Variants in PTPRN2 observed in about 807,000 individuals in gnomAD.
PTPRN2 encodes protein tyrosine phosphatase receptor type N2.
Under a neutral mutation model 118.8 loss-of-function variants are expected in PTPRN2, and 74 were observed. That is an observed-to-expected ratio of 0.62 (90% CI 0.52 to 0.76). The LOEUF is 0.76. Among genes scored for constraint, PTPRN2 ranks in the 30% least tolerant of loss-of-function variants. The pLI is 0.00. For synonymous variants in PTPRN2, 641 were observed against 608.0 expected (o/e 1.05, Z -0.80); for missense variants, 1,481 against 1,394.4 (o/e 1.06, Z -0.99).
intron 13 of PTPRN2, among the ~76,000 whole-genome samples, chr7:157,659,872 T>G (rs1795809018): frequency 2.0e-5 from 3 of 152,002 alleles, no homozygotes; most frequent in Admixed American, 1.3e-4. Context: ...ACTCCCCTGA[T>G]TAGCTGGGAT....
chr7:158,558,582 G>A (rs1040991958), intron 1 of PTPRN2, among the ~76,000 whole-genome samples: 6 of 151,994 alleles, frequency 3.9e-5, no homozygotes, highest in Non-Finnish European at 5.9e-5. Flanking sequence ...GGCACCTAGA[G>A]GCAGGTGTGT....
At chr7:157,648,793 C>G (rs201036118) in intron 14 of PTPRN2, among the ~76,000 whole-genome samples, 4 of 131,710 alleles carry the variant, frequency 3.0e-5, no homozygotes, top group East Asian at 3.3e-4. Context: ...GTGCACTGAA[C>G]TCGGTGGGTC....
chr7:157,887,584 A>C (rs1298958394), intron 12 of PTPRN2, among the ~76,000 whole-genome samples: 1 of 17,562 alleles, frequency 5.7e-5, no homozygotes, highest in Non-Finnish European at 1.1e-4. Flanking sequence ...CCCAGTGCCC[A>C]CTCCATTACC....
At chr7:157,851,491 C>T (rs73746664) in intron 12 of PTPRN2, among the ~76,000 whole-genome samples, 5,649 of 151,920 alleles carry the variant, frequency 0.037, 393 homozygotes, top group African/African-American at 0.13. Context: ...ACTGAGGTTC[C>T]GGGCACAGAA....
At chr7:157,803,548 A>G (rs949273139) in intron 12 of PTPRN2, among the ~76,000 whole-genome samples, 2 of 152,146 alleles carry the variant, frequency 1.3e-5, no homozygotes, top group Non-Finnish European at 2.9e-5. Context: ...GTTTTCTTCT[A>G]GTACGTTTAT....
Position 157,813,905 on chromosome 7 carries a change from C to T in PTPRN2, c.1788+84768G>A, listed in dbSNP as rs1806215512. Among the ~76,000 whole-genome samples the T allele has an allele frequency of 6.6e-6, 1 of 152,354 alleles. No individual in the cohort carries two copies. The highest frequency in any genetic ancestry group is 2.4e-5 in the African/African-American group (1 of 41,596). On this transcript the variant is annotated intron_variant, in intron 12 of 22. Coordinates refer to ENST00000389418, the MANE Select transcript of PTPRN2 (RefSeq NM_002847.5). The surrounding 1 kb of genome is among the most constrained non-coding windows in gnomAD (Gnocchi z 4.7). ...CATTTGCGTTGTTCCCCAGGTGATGCTGCTGGTGACCCCGGGGACCCCGCC... is the reference window on the plus strand; with the variant it reads ...CATTTGCGTTGTTCCCCAGGTGATGTTGCTGGTGACCCCGGGGACCCCGCC...
In PTPRN2 at chr7:158,239,102, C is replaced by T. The variant is rs182416950; in HGVS notation, c.278-33829G>A. Among the ~76,000 whole-genome samples, 543 of 152,278 alleles carry T rather than the reference C, an allele frequency of 3.6e-3. 7 individuals are homozygous for T. The highest frequency in any genetic ancestry group is 0.013 in the African/African-American group (521 of 41,568). On this transcript the variant is annotated intron_variant, in intron 3 of 22. Coordinates refer to ENST00000389418, the MANE Select transcript of PTPRN2 (RefSeq NM_002847.5). ...CAAGGTGCCACAGCCCCCATCACCC[C>T]GGGGTGGGGGCCACCACCATGCCCT...
At chr7:157,803,196 C>T (rs1032476392) in intron 12 of PTPRN2, among the ~76,000 whole-genome samples, 11 of 152,186 alleles carry the variant, frequency 7.2e-5, no homozygotes, top group Admixed American at 4.6e-4. Flanking sequence ...AACTCCTGAC[C>T]TTAAGTGATC....
At chr7:158,520,961 A>T (rs968344567) in intron 1 of PTPRN2, among the ~76,000 whole-genome samples, 7 of 152,146 alleles carry the variant, frequency 4.6e-5, no homozygotes, top group Admixed American at 3.9e-4. Context: ...CCTGGCCGAG[A>T]TCTCAGCCAG....
At chr7:158,533,854 C>G (rs887220464) in intron 1 of PTPRN2, among the ~76,000 whole-genome samples, 1 of 152,246 alleles carries the variant, frequency 6.6e-6, no homozygotes, top group Non-Finnish European at 1.5e-5. Context: ...AGCTCCCACT[C>G]CGGGTACATC....
At chr7:157,673,880 A>AC (rs1350715243) in intron 13 of PTPRN2, among the ~76,000 whole-genome samples, 2 of 143,456 alleles carry the variant, frequency 1.4e-5, no homozygotes, top group Admixed American at 1.4e-4. Flanking sequence ...CCGGGTTCAC[A>AC]CTGGGGAGTC....
chr7:157,669,559 G>T (rs1351462319), intron 13 of PTPRN2: 1 of 490,494 alleles, frequency 2.0e-6, no homozygotes, highest in Non-Finnish European at 4.0e-6. Flanking sequence ...AGCTCCTGCA[G>T]GAAGGGGTTC....
At chr7:157,819,520 C>A (rs1806664728) in intron 12 of PTPRN2, among the ~76,000 whole-genome samples, 1 of 150,434 alleles carries the variant, frequency 6.6e-6, no homozygotes, top group African/African-American at 2.4e-5. Flanking sequence ...CCCTCCCGCC[C>A]CAAGCACACA....
At chr7:158,161,986 C>T (rs990692925) in intron 6 of PTPRN2, among the ~76,000 whole-genome samples, 2 of 152,200 alleles carry the variant, frequency 1.3e-5, no homozygotes, top group African/African-American at 4.8e-5. Flanking sequence ...TGTGAAGATG[C>T]TCTGCTTCCT....
chr7:158,403,072 C>T (rs1053730064), intron 2 of PTPRN2, among the ~76,000 whole-genome samples: 5 of 152,224 alleles, frequency 3.3e-5, no homozygotes, highest in Admixed American at 2.6e-4. Context: ...GGTTCATTCT[C>T]GCTCTGTTTG....
At chr7:158,367,758 T>G (rs1809652136) in intron 2 of PTPRN2, among the ~76,000 whole-genome samples, 1 of 152,224 alleles carries the variant, frequency 6.6e-6, no homozygotes, top group African/African-American at 2.4e-5. Flanking sequence ...AAAAGTCGTT[T>G]GACCTCCTTG....
chr7:158,080,292 GA>G (rs201152900), intron 11 of PTPRN2, among the ~76,000 whole-genome samples: 735 of 50,106 alleles, frequency 0.015, 3 homozygotes, highest in African/African-American at 0.062. Flanking sequence ...TTTACACTGG[GA>G]AAAAAAGACA....
chr7:158,188,200 G>T (rs1277202913), intron 5 of PTPRN2, among the ~76,000 whole-genome samples: 1 of 80,652 alleles, frequency 1.2e-5, no homozygotes, highest in Non-Finnish European at 2.8e-5. Flanking sequence ...GGGGAAGGCC[G>T]CCACGCTCGC....
rs1800483161 is a variant in PTPRN2 at position 157,583,083 on chromosome 7, C to T, written c.2497-4943G>A. On this transcript the variant is annotated intron_variant, in intron 17 of 22. Transcript: ENST00000389418. The surrounding 1 kb of genome is among the most constrained non-coding windows in gnomAD (Gnocchi z 5.5). ...GATTTGGAACAACCCACATGTCTGT[C>T]AATGGATAATGGCTAAAGAAAATGT... Among the ~76,000 whole-genome samples, 1 of 152,054 alleles carries T rather than the reference C, an allele frequency of 6.6e-6. No homozygotes were observed. The highest frequency in any genetic ancestry group is 2.4e-5 in the African/African-American group (1 of 41,406).
Sources: allele counts gnomAD v4.1 joint callset (sites outside exome capture counted in the v4.1 genomes callset), GRCh38; gene constraint gnomAD v4.1.1; non-coding constraint Gnocchi (gnomAD v3.1); transcripts MANE v1.5; gene names NCBI Gene and HGNC (gene_info 2026-07-23, HGNC 2026-07-21).